Variants in THOC1 observed in about 807,000 individuals in gnomAD.
THOC1 encodes the protein THO complex 1.
Under a neutral mutation model 97.3 loss-of-function variants are expected in THOC1, and 29 were observed. The ratio of observed to expected loss-of-function variants is 0.30; its 90% CI spans 0.22 to 0.41. The LOEUF (loss-of-function observed/expected upper bound fraction) is 0.41, where lower values mean the gene tolerates loss of function less well. THOC1 is among the 10% of genes least tolerant of loss of function. The probability of loss-of-function intolerance (pLI) is 1.00; values close to 1 mark genes in which losing one functional copy is unlikely to be tolerated. For synonymous variants in THOC1, 255 were observed against 257.0 expected (o/e 0.99, Z 0.07); for missense variants, 529 against 761.9 (o/e 0.69, Z 3.60).
chr18:249,379 G>A (rs1017138247), intron 9 of THOC1, among the ~76,000 whole-genome samples: 1 of 151,988 alleles, frequency 6.6e-6, no homozygotes, highest in Non-Finnish European at 1.5e-5. Context: ...TTTAAAAAAA[G>A]CCACAGGCTG....
chr18:259,546 C>T, intron 6 of THOC1, 136 bp downstream of exon 6: 1 of 765,992 alleles, frequency 1.3e-6, no homozygotes, highest in Non-Finnish European at 2.1e-6. Context: ...TGAGTTCTAA[C>T]AAATCAGATT....
At chr18:259,322 G>A in intron 6 of THOC1, 47 bp from the exon 7 acceptor site, 2 of 1,461,400 alleles carry the variant, frequency 1.4e-6, no homozygotes, top group Non-Finnish European at 9.4e-7. Context: ...ATAATTCTAT[G>A]TTTATTACAA....
intron 11 of THOC1, among the ~76,000 whole-genome samples, chr18:228,537 C>A (rs202207693): frequency 0.027 from 3,949 of 145,794 alleles, 64 homozygotes; most frequent in African/African-American, 0.04. Context: ...GAAAAAAAAA[C>A]CAAAATCACC....
At position 242,064 on chromosome 18, in the gene THOC1, A is replaced by G. The variant is rs1051243765; in HGVS notation, c.918+4260T>C. 3.3e-5 allele frequency among the ~76,000 whole-genome samples: 5 copies of G among 152,226 alleles called. No homozygotes were observed. Among genetic ancestry groups the G allele is most frequent in the Non-Finnish European group, 7.4e-5 (5 of 68,026 alleles). ...TACAAAAATGTGGCACTTTGTTTCT[A>G]GGGGAAACTTCTTTCTTTAAGAAGG... On this transcript the variant is annotated intron_variant, in intron 11 of 20. Coordinates refer to ENST00000261600, the MANE Select transcript of THOC1 (RefSeq NM_005131.3). This position sits in a 1 kb window ranked among gnomAD's most constrained non-coding sequence, Gnocchi z 4.5.
At chr18:265,092 CTT>C (rs1175858967) in intron 3 of THOC1, 1 of 521,672 alleles carries the variant, frequency 1.9e-6, no homozygotes, top group Admixed American at 3.8e-5. Flanking sequence ...GGAGAGGGCT[CTT>C]GTCATTTATT....
Position 247,818 on chromosome 18 carries a change from G to A in THOC1, c.786+31C>T. On this transcript the variant is annotated intron_variant, in intron 10 of 20. Transcript: ENST00000261600. ...CTCTATCACTGTCTATAAAATACTGGGCTTCTGATAGTCTGTCAATGGCAA... is the reference window on the plus strand; with the variant it reads ...CTCTATCACTGTCTATAAAATACTGAGCTTCTGATAGTCTGTCAATGGCAA... The A allele has an allele frequency of 2.3e-6, 3 of 1,308,990 alleles. No individual in the cohort carries two copies. In the South Asian group the frequency reaches 3.7e-5, roughly 16 times the overall value. The allele number at this position is 1,308,990 out of a possible 1,614,324, so 81.1% of individuals were successfully genotyped here.
chr18:236,403 G>T (rs1309520870), intron 11 of THOC1, among the ~76,000 whole-genome samples: 13 of 146,534 alleles, frequency 8.9e-5, no homozygotes, highest in African/African-American at 1.3e-4. Flanking sequence ...TCGCCCAGGC[G>T]GGAGTGCAGT....
intron 11 of THOC1, 108 bp from the exon 12 acceptor site, chr18:227,009 A>G (rs1911313554): frequency 1.1e-6 from 1 of 890,434 alleles, no homozygotes. Context: ...AATTCAATTT[A>G]AAAGCCATTT....
At chr18:267,780 C>A (rs1444873210) in intron 1 of THOC1, among the ~76,000 whole-genome samples, 186 bp downstream of exon 1, 1 of 152,084 alleles carries the variant, frequency 6.6e-6, no homozygotes, top group Non-Finnish European at 1.5e-5. Context: ...GACGGCCCAG[C>A]CCACAAAGAA....
chr18:228,285 C>T (rs926151845), intron 11 of THOC1, among the ~76,000 whole-genome samples: 1 of 152,170 alleles, frequency 6.6e-6, no homozygotes, highest in African/African-American at 2.4e-5. Flanking sequence ...AGGTCTCTCG[C>T]TCAGTTGCTT....
chr18:258,109 G>A (rs911981610), intron 7 of THOC1, among the ~76,000 whole-genome samples: 7 of 151,972 alleles, frequency 4.6e-5, no homozygotes, highest in Admixed American at 2.0e-4. Context: ...AATCTTAAGC[G>A]CAGAGAAAAA....
At chr18:216,315 G>C in intron 19 of THOC1, 171 bp downstream of exon 19, 1 of 717,666 alleles carries the variant, frequency 1.4e-6, no homozygotes, top group Non-Finnish European at 2.3e-6. Flanking sequence ...ATCAACTCAT[G>C]TATTTCCTGT....
chr18:236,665 A>G (rs1294206495), intron 11 of THOC1, among the ~76,000 whole-genome samples: 1 of 152,018 alleles, frequency 6.6e-6, no homozygotes, highest in African/African-American at 2.4e-5. Flanking sequence ...GCCCGGCGAA[A>G]GAATAAGATT....
intron 7 of THOC1, among the ~76,000 whole-genome samples, chr18:255,569 A>T (rs1188700295): frequency 6.6e-6 from 1 of 152,220 alleles, no homozygotes; most frequent in Non-Finnish European, 1.5e-5. Context: ...AGGTTTAAAG[A>T]AAAAAGCCCT....
chr18:244,051 T>C (rs1012199157), intron 11 of THOC1, among the ~76,000 whole-genome samples: 3 of 152,148 alleles, frequency 2.0e-5, no homozygotes, highest in Non-Finnish European at 2.9e-5. Flanking sequence ...CTTTTGGTGG[T>C]TACCCTTTTA....
At chr18:218,778 A>T in intron 18 of THOC1, 108 bp downstream of exon 18, 1 of 822,072 alleles carries the variant, frequency 1.2e-6, no homozygotes, top group Non-Finnish European at 1.9e-6. Flanking sequence ...GAGAAAAAGC[A>T]CTATTCTATC....
chr18:214,951 G>A (rs9964556), intron 20 of THOC1, 30 bp from the exon 21 acceptor site: 87 of 1,602,392 alleles, frequency 5.4e-5, no homozygotes, highest in Non-Finnish European at 6.5e-5. Context: ...TAAATTATGC[G>A]CAATTCTAAG....
chr18:256,500 A>G (rs954605228), intron 7 of THOC1, among the ~76,000 whole-genome samples: 2 of 152,218 alleles, frequency 1.3e-5, no homozygotes, highest in Non-Finnish European at 2.9e-5. Flanking sequence ...CTTGAAACAG[A>G]TGAGGAGTTG....
chr18:260,533 A>T (rs1375914316), intron 4 of THOC1: 2 of 322,758 alleles, frequency 6.2e-6, no homozygotes, highest in Non-Finnish European at 1.1e-5. Context: ...CAAGATCTAG[A>T]GCATTTACTA....
Sources: allele counts gnomAD v4.1 joint callset (sites outside exome capture counted in the v4.1 genomes callset), GRCh38; gene constraint gnomAD v4.1.1; non-coding constraint Gnocchi (gnomAD v3.1); transcripts MANE v1.5; gene names NCBI Gene and HGNC (gene_info 2026-07-23, HGNC 2026-07-21).